WDR70: variants seen among roughly 807,000 people sequenced by gnomAD.
WDR70 encodes the protein WD repeat domain 70, also known as WD repeat-containing protein 70.
A neutral mutation model predicts 88.6 loss-of-function variants in WDR70; 53 were observed. The observed-to-expected ratio is 0.60, with a 90% CI of 0.48 to 0.75. WDR70 has a LOEUF of 0.75. Ranked by LOEUF, WDR70 falls within the 30% of genes least tolerant of loss-of-function variation. The pLI is 0.00. For missense variants in WDR70, 610 were observed against 823.2 expected, an observed-to-expected ratio of 0.74 and a Z score of 3.17; for synonymous variants, 280 against 270.0, an observed-to-expected ratio of 1.04 and a Z score of -0.36.
chr5:37,470,541 T>C (rs1257274896), intron 7 of WDR70, among the ~76,000 whole-genome samples: 4 of 152,186 alleles, frequency 2.6e-5, no homozygotes, highest in Non-Finnish European at 5.9e-5. Flanking sequence ...ATAGATTACT[T>C]TTGCCTATAT....
intron 9 of WDR70, among the ~76,000 whole-genome samples, chr5:37,559,436 T>A (rs572500690): frequency 6.6e-6 from 1 of 152,296 alleles, no homozygotes; most frequent in South Asian, 2.1e-4. Flanking sequence ...ATTCTCCTCC[T>A]CCTTCATCTC....
chr5:37,633,951 T>C (rs1485544165), intron 10 of WDR70, among the ~76,000 whole-genome samples: 1 of 152,126 alleles, frequency 6.6e-6, no homozygotes, highest in Non-Finnish European at 1.5e-5. Context: ...AAGATAGACT[T>C]GGACCAAGTG....
chr5:37,506,206 G>T, intron 8 of WDR70: 1 of 980,766 alleles, frequency 1.0e-6, no homozygotes, highest in Non-Finnish European at 1.7e-6. Context: ...TGGTATCACA[G>T]TTCTGACTTG....
At chr5:37,701,961 A>G (rs531924597) in intron 12 of WDR70, among the ~76,000 whole-genome samples, 4 of 152,192 alleles carry the variant, frequency 2.6e-5, no homozygotes, top group African/African-American at 9.6e-5. Context: ...GTTATCTCCA[A>G]TCTACTAAAT....
chr5:37,386,609 A>G (rs576600986), intron 3 of WDR70, among the ~76,000 whole-genome samples: 18 of 151,966 alleles, frequency 1.2e-4, no homozygotes, highest in African/African-American at 4.3e-4. Context: ...TTTTATTTTT[A>G]ATTTTTTTAT....
At position 37,397,469 on chromosome 5, in the gene WDR70, CAA is replaced by C. The variant is rs58483851; in HGVS notation, c.492+915_492+916del. On this transcript the variant is annotated intron_variant, in intron 5 of 17. Transcript: ENST00000265107. ...GGGCAATAAGAGCAAAACTCTGTTT[CAA>C]AAAAAAAAAAAAAAATCTATGTATG... is the stretch of plus-strand genomic sequence containing the variant. 9.7e-3 allele frequency among the ~76,000 whole-genome samples: 1,264 copies of C among 130,706 alleles called. 11 individuals are homozygous for C. The highest frequency in any genetic ancestry group is 0.025 in the Middle Eastern group (6 of 238). The allele number at this position is 130,706 out of a possible 152,430, so 85.7% of individuals were successfully genotyped here.
chr5:37,705,471 CA>C (rs1229619147), intron 13 of WDR70, among the ~76,000 whole-genome samples: 6 of 151,982 alleles, frequency 3.9e-5, no homozygotes, highest in Non-Finnish European at 8.8e-5. Flanking sequence ...CCACACACCC[CA>C]AAGAGTCCTA....
chr5:37,654,769 C>A (rs537338334), intron 10 of WDR70, among the ~76,000 whole-genome samples: 292 of 125,444 alleles, frequency 2.3e-3, no homozygotes, highest in Non-Finnish European at 3.4e-3. Context: ...AGGATTGCAG[C>A]CCCTGCTTTT....
At chr5:37,539,668 A>C (rs1741759376) in intron 9 of WDR70, among the ~76,000 whole-genome samples, 2 of 152,226 alleles carry the variant, frequency 1.3e-5, no homozygotes, top group Non-Finnish European at 2.9e-5. Context: ...ACCTGTGCAC[A>C]GGAATGTGCC....
At chr5:37,404,653 A>T (rs909290369) in intron 5 of WDR70, among the ~76,000 whole-genome samples, 1 of 152,200 alleles carries the variant, frequency 6.6e-6, no homozygotes, top group East Asian at 1.9e-4. Flanking sequence ...CAGAAGGGCC[A>T]TGAACATGTA....
chr5:37,701,197 TTTTAC>T lies in WDR70; in HGVS notation c.1277+60_1277+64del, dbSNP rs1174461970. On this transcript the variant is annotated intron_variant, in intron 12 of 17. Coordinates refer to ENST00000265107, the MANE Select transcript of WDR70 (RefSeq NM_018034.4). ...GCATAGAAGAATGGAAAAGAAGTAC[TTTTAC>T]TTTAATGTTAATTTATATCATACGT... The T allele has an allele frequency of 8.7e-6, 10 of 1,149,432 alleles. No individual in the cohort carries two copies. In the African/African-American group the frequency reaches 1.4e-4, roughly 16 times the overall value. 71.2% of individuals were successfully genotyped at this position (1,149,432 alleles called of 1,614,324 possible). A position where few individuals can be genotyped will look rare whatever the true frequency, so the allele number is the denominator to read the frequency against.
intron 8 of WDR70, among the ~76,000 whole-genome samples, chr5:37,500,496 A>G (rs529518190): frequency 1.8e-4 from 28 of 152,208 alleles, no homozygotes; most frequent in Middle Eastern, 3.4e-3. Flanking sequence ...TACTTCTTTG[A>G]GAAATCTCCA....
intron 9 of WDR70, among the ~76,000 whole-genome samples, chr5:37,534,976 A>G (rs952423434): frequency 2.6e-5 from 4 of 152,062 alleles, no homozygotes; most frequent in African/African-American, 9.7e-5. Context: ...GTGGAATATC[A>G]ACCCAGTTGC....
chr5:37,490,064 T>C (rs1561873048), intron 8 of WDR70, among the ~76,000 whole-genome samples: 1 of 151,990 alleles, frequency 6.6e-6, no homozygotes, highest in Non-Finnish European at 1.5e-5. Context: ...CGTGCTATGG[T>C]GCGGCAGGCA....
intron 9 of WDR70, among the ~76,000 whole-genome samples, chr5:37,520,327 A>G (rs1320417733): frequency 6.6e-6 from 1 of 152,100 alleles, no homozygotes; most frequent in Non-Finnish European, 1.5e-5. Flanking sequence ...TTCATAGAGG[A>G]ATTTAAAAAA....
chr5:37,478,045 G>A (rs1581318364), intron 7 of WDR70, among the ~76,000 whole-genome samples: 1 of 152,200 alleles, frequency 6.6e-6, no homozygotes, highest in Non-Finnish European at 1.5e-5. Flanking sequence ...AGAAAAACAT[G>A]CTTCATGAGA....
At chr5:37,442,898 G>T (rs1236217261) in intron 6 of WDR70, among the ~76,000 whole-genome samples, 1 of 152,118 alleles carries the variant, frequency 6.6e-6, no homozygotes, top group African/African-American at 2.4e-5. Context: ...CTGAATTATT[G>T]TAATTATTTG....
intron 8 of WDR70, among the ~76,000 whole-genome samples, chr5:37,483,125 G>A (rs1324481930): frequency 1.7e-5 from 2 of 119,058 alleles, no homozygotes; most frequent in South Asian, 3.0e-4. Flanking sequence ...TTTTTTAATT[G>A]ATCATTCTTG....
intron 5 of WDR70, among the ~76,000 whole-genome samples, chr5:37,398,469 G>A (rs1465511992): frequency 6.6e-6 from 1 of 152,162 alleles, no homozygotes; most frequent in Admixed American, 6.5e-5. Flanking sequence ...GAAATGAAAA[G>A]TAATCAGAAA....
Sources: gnomAD v4.1 joint callset for allele counts (sites outside exome capture counted in the v4.1 genomes callset) on GRCh38, gnomAD v4.1.1 for gene constraint, MANE v1.5 for transcripts, NCBI Gene and HGNC (gene_info 2026-07-23, HGNC 2026-07-21) for gene names.